The following KICS2 variants were observed in gnomAD, a reference collection of about 807,000 sequenced individuals.
The protein encoded by KICS2 is KICSTOR subunit 2.
KICS2 carries 13 observed loss-of-function variants against 31.4 expected under a neutral mutation model. That is an observed-to-expected ratio of 0.41 (90% CI 0.27 to 0.66). The LOEUF (loss-of-function observed/expected upper bound fraction) is 0.66. KICS2 is among the 30% of genes least tolerant of loss of function. The pLI is 0.28. For missense variants in KICS2, 455 were observed against 545.4 expected (o/e 0.83, Z 1.65); for synonymous variants, 209 against 214.8 (o/e 0.97, Z 0.24).
At chr12:64,213,087 C>CAAAAAAAAA (rs1235001391) in intron 2 of KICS2, among the ~76,000 whole-genome samples, 1 of 69,164 alleles carries the variant, frequency 1.4e-5, no homozygotes, top group African/African-American at 5.7e-5. Context: ...GAGACAAACT[C>CAAAAAAAAA]AAAAAAAAAA....
At chr12:64,215,135 G>A (rs1338883134) in intron 2 of KICS2, among the ~76,000 whole-genome samples, 11 of 124,606 alleles carry the variant, frequency 8.8e-5, no homozygotes, top group Admixed American at 3.6e-4. Context: ...GTGAGACCCC[G>A]TCTCTACTAA....
Position 64,193,779 on chromosome 12 carries a change from G to A in KICS2, c.*63C>T, listed in dbSNP as rs1035917500. 51 of 1,528,658 alleles carry A rather than the reference G, an allele frequency of 3.3e-5. No individual in the cohort carries two copies. Among genetic ancestry groups the A allele is most frequent in the Middle Eastern group, 1.9e-4 (1 of 5,284 alleles). 94.7% of individuals were successfully genotyped at this position (1,528,658 alleles called of 1,614,324 possible). A position where few individuals can be genotyped will look rare whatever the true frequency, so the allele number is the denominator to read the frequency against. On this transcript the variant is annotated 3_prime_UTR_variant, in exon 3 of 3. Coordinates refer to ENST00000398055, the MANE Select transcript of KICS2 (RefSeq NM_152440.5). The stretch of plus-strand genomic sequence containing the variant: ...ATGTAAACTCTATTCACAGACCACC[G>A]TAGATCATTAGGGCAATTAAGAACA...
intron 2 of KICS2, among the ~76,000 whole-genome samples, chr12:64,206,882 T>G (rs926371316): frequency 8.5e-5 from 13 of 152,052 alleles, no homozygotes; most frequent in Non-Finnish European, 1.9e-4. Context: ...TGCCCAGGGC[T>G]GGGAGGGGGG....
At chr12:64,190,454 A>G (rs1377617314), downstream of KICS2, among the ~76,000 whole-genome samples, 1 of 152,198 alleles carries the variant, frequency 6.6e-6, no homozygotes, top group Non-Finnish European at 1.5e-5. Flanking sequence ...GTAGTGAAGT[A>G]CCAATTATTT....
chr12:64,196,698 TTG>T, intron 2 of KICS2, among the ~76,000 whole-genome samples: 1 of 139,906 alleles, frequency 7.1e-6, no homozygotes, highest in East Asian at 2.2e-4. Flanking sequence ...GTTGAAAACT[TTG>T]AAAAAAATTT....
At chr12:64,218,930 G>A (rs117889622) in intron 1 of KICS2, among the ~76,000 whole-genome samples, 92 of 152,274 alleles carry the variant, frequency 6.0e-4, no homozygotes, top group Non-Finnish European at 1.2e-3. Context: ...AATCCTATCT[G>A]TTCACTATCT....
At chr12:64,217,441 T>C (rs544204225) in intron 1 of KICS2, among the ~76,000 whole-genome samples, 1 of 150,268 alleles carries the variant, frequency 6.7e-6, no homozygotes, top group South Asian at 2.1e-4. Context: ...ACATATAAAA[T>C]ATGCTAACAC....
chr12:64,212,790 G>A (rs1044473254), intron 2 of KICS2, among the ~76,000 whole-genome samples: 1 of 152,052 alleles, frequency 6.6e-6, no homozygotes, highest in Non-Finnish European at 1.5e-5. Flanking sequence ...TAAAAAATTA[G>A]AGGAAAAAGA....
intron 2 of KICS2, among the ~76,000 whole-genome samples, chr12:64,210,441 G>C (rs1020005465): frequency 1.3e-5 from 2 of 152,156 alleles, no homozygotes; most frequent in African/African-American, 4.8e-5. Context: ...GGGAAGTGGG[G>C]TGTTTCAAAG....
In KICS2 at chr12:64,215,714, C is replaced by A; in HGVS notation, c.485G>T (p.Gly162Val). 1 of 1,613,752 alleles carries A rather than the reference C, an allele frequency of 6.2e-7. No individual in the cohort carries two copies. The highest frequency in any genetic ancestry group is 8.5e-7 in the Non-Finnish European group (1 of 1,179,962). ...QKFINAEELVGLLDAIMKKYS... is the reference protein window; with the variant it reads ...QKFINAEELVVLLDAIMKKYS... ...TTTTTTCATGATGGCATCCAAAAGG[C>A]CAACGAGCTCTTCAGCATTGATGAA... The change falls in exon 2 of 3, where the codon GGC (glycine) becomes GTC (valine). Residue 162 changes from glycine (G) to valine (V), a missense_variant. Transcript: ENST00000398055.
chr12:64,195,837 G>T (rs2037429928), intron 2 of KICS2, among the ~76,000 whole-genome samples: 1 of 152,254 alleles, frequency 6.6e-6, no homozygotes, highest in East Asian at 1.9e-4. Flanking sequence ...AGAAAGGGGT[G>T]ACGGACGCAC....
intron 2 of KICS2, among the ~76,000 whole-genome samples, chr12:64,207,803 G>A (rs2037552168): frequency 6.6e-6 from 1 of 152,166 alleles, no homozygotes; most frequent in African/African-American, 2.4e-5. Flanking sequence ...AAATTTGGAA[G>A]TCTGTTATGC....
rs1490993223 is a variant in KICS2 at position 64,192,666 on chromosome 12, G to C, written c.*1176C>G. The C allele has an allele frequency of 1.0e-6, 1 of 985,212 alleles. No individual in the cohort carries two copies. Among genetic ancestry groups the C allele is most frequent in the Non-Finnish European group, 1.2e-6 (1 of 829,936 alleles). The allele number at this position is 985,212 out of a possible 1,614,324, so 61.0% of individuals were successfully genotyped here. A position where few individuals can be genotyped will look rare whatever the true frequency, so the allele number is the denominator to read the frequency against. On this transcript the variant is annotated 3_prime_UTR_variant, in exon 3 of 3. Coordinates refer to ENST00000398055, the MANE Select transcript of KICS2 (RefSeq NM_152440.5). ...ACTCTTTGTGGCTTCTTTTTATTTT[G>C]AATCAATAATCTAGAAGTGAAGGTC... is the stretch of plus-strand genomic sequence containing the variant.
chr12:64,202,563 G>A (rs1325083620), intron 2 of KICS2, among the ~76,000 whole-genome samples: 1 of 150,712 alleles, frequency 6.6e-6, no homozygotes, highest in Admixed American at 6.6e-5. Context: ...ACAAAGGAGT[G>A]AATAGAGGAG....
chr12:64,194,454 T>G lies in KICS2; in HGVS notation c.726A>C (p.Gly242=). 1.2e-6 allele frequency: 2 copies of G among 1,614,200 alleles called. No individual in the cohort carries two copies. Among genetic ancestry groups the G allele is most frequent in the Non-Finnish European group, 1.7e-6 (2 of 1,180,046 alleles). The change falls in exon 3 of 3, where the codon GGA becomes GGC. Residue 242 remains glycine (G), a synonymous_variant. Transcript: ENST00000398055. ...GCTGCACGGCCTTCTGAGACTGCCC[T>G]CCAAACAGATGTTTCTTGGTCTCCC... is the stretch of plus-strand genomic sequence containing the variant. ...KQRETKKHLF[G]GQSQKAVQPP... is the part of the protein sequence containing the mutation.
intron 2 of KICS2, among the ~76,000 whole-genome samples, chr12:64,203,049 A>G (rs1248099802): frequency 6.6e-6 from 1 of 152,076 alleles, no homozygotes; most frequent in East Asian, 1.9e-4. Flanking sequence ...CCACTTTAGT[A>G]GTTTGACCAT....
intron 2 of KICS2, among the ~76,000 whole-genome samples, chr12:64,196,597 G>A (rs1161584172): frequency 6.6e-6 from 1 of 151,714 alleles, no homozygotes; most frequent in Non-Finnish European, 1.5e-5. Flanking sequence ...AAAGCTGGAT[G>A]GAGAATGACT....
At position 64,221,167 on chromosome 12, in the gene KICS2, T is replaced by A. The variant is rs188428108; in HGVS notation, c.235+836A>T. On this transcript the variant is annotated intron_variant, in intron 1 of 2. Coordinates refer to ENST00000398055, the MANE Select transcript of KICS2 (RefSeq NM_152440.5). ...AATTTTACATTTCTATTCTCTGTAT[T>A]TTATATACGTGTCCTTCATTCACAT... is the stretch of plus-strand genomic sequence containing the variant. Among the ~76,000 whole-genome samples, 441 of 152,214 alleles carry A rather than the reference T, an allele frequency of 2.9e-3. 3 individuals are homozygous for A. Among genetic ancestry groups the A allele is most frequent in the African/African-American group, 0.01 (422 of 41,506 alleles).
At chr12:64,206,327 T>C (rs531649826) in intron 2 of KICS2, among the ~76,000 whole-genome samples, 35 of 152,342 alleles carry the variant, frequency 2.3e-4, no homozygotes, top group African/African-American at 7.7e-4. Context: ...TTTTATGTTA[T>C]GTATATTTTA....
Sources: allele counts gnomAD v4.1 joint callset (sites outside exome capture counted in the v4.1 genomes callset), GRCh38; gene constraint gnomAD v4.1.1; transcripts MANE v1.5; gene names NCBI Gene and HGNC (gene_info 2026-07-23, HGNC 2026-07-21).